ABCC10: variants seen among roughly 807,000 people sequenced by gnomAD.
ABCC10 encodes ATP-binding cassette sub-family C member 10.
In ABCC10, 110 loss-of-function variants were observed where a neutral mutation model predicts 143.2. The observed-to-expected ratio is 0.77, with a 90% CI of 0.66 to 0.90. The LOEUF is 0.90. ABCC10 is among the 40% of genes least tolerant of loss of function. The pLI is 0.00. For synonymous variants in ABCC10, 805 were observed against 846.7 expected, an observed-to-expected ratio of 0.95 and a Z score of 0.85; for missense variants, 1,700 against 1,900.5, an observed-to-expected ratio of 0.89 and a Z score of 1.96.
chr6:43,433,066 C>G lies in ABCC10; in HGVS notation c.1086C>G (p.Ile362Met). 1.2e-6 allele frequency: 2 copies of G among 1,614,152 alleles called. No individual in the cohort carries two copies. Among genetic ancestry groups the G allele is most frequent in the South Asian group, 1.1e-5 (1 of 91,082 alleles). Residue 362 changes from isoleucine (I) to methionine (M), a missense_variant, in exon 3 of 22, where the codon ATC becomes ATG. By Grantham distance (10) the Ile-to-Met change is conservative (BLOSUM62 1). Transcript: ENST00000372530. ...AGGCACGGGGGGCTGTGCTGAACAT[C>G]CTGTACTGCAAGGCTTTACAGCTGG... is the stretch of plus-strand genomic sequence containing the variant. Reference protein sequence around the residue: ...TLQARGAVLNILYCKALQLGP... With the variant: ...TLQARGAVLNMLYCKALQLGP...
intron 8 of ABCC10, among the ~76,000 whole-genome samples, chr6:43,440,353 G>A (rs756324958): frequency 8.5e-5 from 13 of 152,140 alleles, no homozygotes; most frequent in Non-Finnish European, 1.5e-4. Flanking sequence ...CCTTCCTCAC[G>A]CAGAGGAAGC....
Position 43,427,951 on chromosome 6 carries a change from C to G in ABCC10, c.-11-17C>G. ...GCTGTTACCCTGCACAGCCGTCACC[C>G]TCAACTTTCCCTTCAGGTGAGGCGT... is the stretch of plus-strand genomic sequence containing the variant. On this transcript the variant is annotated splice_polypyrimidine_tract_variant and intron_variant, in intron 1 of 21. Transcript: ENST00000372530. 1 of 1,611,864 alleles carries G rather than the reference C, an allele frequency of 6.2e-7. No individual in the cohort carries two copies. The highest frequency in any genetic ancestry group is 1.1e-5 in the South Asian group (1 of 90,874).
chr6:43,448,980 G>A lies in ABCC10; in HGVS notation c.4059G>A (p.Trp1353Ter). 6.2e-7 allele frequency: 1 copy of A among 1,614,210 alleles called. No individual in the cohort carries two copies. The highest frequency in any genetic ancestry group is 8.5e-7 in the Non-Finnish European group (1 of 1,180,020). Residue 1353 changes from tryptophan (W) to a stop codon, truncating the protein, a stop_gained, in exon 19 of 22, where the codon TGG (tryptophan) becomes TGA (stop). Coordinates refer to ENST00000372530, the MANE Select transcript of ABCC10 (RefSeq NM_001198934.2). LOFTEE classifies it high-confidence loss of function. The stretch of plus-strand genomic sequence containing the variant: ...GCCTACATAAGGACAGGGCCTTGTG[G>A]CAGGCCCTGAAGCAGTGCCACCTGA... ...PQGLHKDRALWQALKQCHLSE... is the reference protein window; with the variant it reads ...PQGLHKDRAL
chr6:43,433,297 G>C lies in ABCC10; in HGVS notation c.1317G>C (p.Val439=), dbSNP rs752790507. 2 of 1,614,196 alleles carry C rather than the reference G, an allele frequency of 1.2e-6. No individual in the cohort carries two copies. Among genetic ancestry groups the C allele is most frequent in the East Asian group, 4.5e-5 (2 of 44,890 alleles). The change falls in exon 3 of 22, where the codon GTG becomes GTC. Residue 439 remains valine, a synonymous_variant. Transcript: ENST00000372530. ...TGCTGCTGGTACCCGTCAACAAAGT[G>C]ATTGCCACCCGCATCATGGCCAGCA... ...LALLLVPVNK[V]IATRIMASNQ...
chr6:43,449,217 A>G lies in ABCC10; in HGVS notation c.4203+13A>G, dbSNP rs1562207368. 1 of 1,613,520 alleles carries G rather than the reference A, an allele frequency of 6.2e-7. No individual in the cohort carries two copies. ...CACAGATGCCAAGGTAAGGTGAGAG[A>G]AAGAGACATTAGAGAGGGCCAGGAA... On this transcript the variant is annotated intron_variant, in intron 20 of 21. Transcript: ENST00000372530.
chr6:43,446,950 C>T, intron 16 of ABCC10: 2 of 908,080 alleles, frequency 2.2e-6, no homozygotes. Flanking sequence ...TGGGTTCAAG[C>T]AATTCTCCTG....
chr6:43,450,527 C>T, downstream of ABCC10: 4 of 1,532,612 alleles, frequency 2.6e-6, no homozygotes, highest in South Asian at 2.6e-5. The surrounding 1 kb of genome is among the most constrained non-coding windows in gnomAD (Gnocchi z 4.5). Context: ...GGCCAGAAAG[C>T]CCCCACCTCC....
In ABCC10 at chr6:43,446,323, C is replaced by A; in HGVS notation, c.3421C>A (p.Gln1141Lys). 2 of 1,613,994 alleles carry A rather than the reference C, an allele frequency of 1.2e-6. No homozygotes were observed. The highest frequency in any genetic ancestry group is 1.1e-5 in the South Asian group (1 of 91,080). ...LRLLELNQRC[Q>K]FATSATMQWL... The stretch of plus-strand genomic sequence containing the variant: ...ACTCCTTGAGCTAAACCAGAGGTGC[C>A]AGTTTGCCACCAGTGCCACAATGCA... Residue 1141 changes from glutamine (Q) to lysine (K), a missense_variant, in exon 16 of 22, where the codon CAG (glutamine) becomes AAG (lysine). Transcript: ENST00000372530.
intron 3 of ABCC10, 91 bp from the exon 4 acceptor site, chr6:43,434,530 A>G (rs1399505527): frequency 2.4e-6 from 3 of 1,229,876 alleles, no homozygotes; most frequent in Non-Finnish European, 3.5e-6. Flanking sequence ...AGAGTACTGA[A>G]CATTCTGCCA....
rs1477428193 is a variant in ABCC10, at chr6:43,439,745, A to G, written c.2127+950A>G. 4.6e-5 allele frequency among the ~76,000 whole-genome samples: 7 copies of G among 151,396 alleles called. 1 individual carries two copies. Among genetic ancestry groups the G allele is most frequent in the Non-Finnish European group, 5.9e-5 (4 of 67,874 alleles). ...ACTACAGCTGCGTGCCACCATGCCC[A>G]GCTAATTTTTGTATTTCTAGTAGAA... On this transcript the variant is annotated intron_variant, in intron 8 of 21. Coordinates refer to ENST00000372530, the MANE Select transcript of ABCC10 (RefSeq NM_001198934.2).
chr6:43,429,413 G>GGT (rs1780889611), intron 2 of ABCC10, among the ~76,000 whole-genome samples: 2 of 2,906 alleles, frequency 6.9e-4, no homozygotes, highest in Non-Finnish European at 1.7e-3. Context: ...TGTGTGTGGC[G>GGT]GGGGGGAGGG....
intron 15 of ABCC10, 38 bp from the exon 16 acceptor site, chr6:43,446,239 A>G: frequency 6.3e-7 from 1 of 1,595,278 alleles, no homozygotes; most frequent in Non-Finnish European, 8.6e-7. Context: ...GCTCAGGGCA[A>G]CAGTGGAGTG....
At chr6:43,436,660 C>T (rs1781761952) in intron 6 of ABCC10, among the ~76,000 whole-genome samples, 2 of 152,206 alleles carry the variant, frequency 1.3e-5, no homozygotes, top group Admixed American at 1.3e-4. Context: ...GAAAAGCAAT[C>T]ACACCCTGTG....
chr6:43,429,286 C>T (rs1780837892), intron 2 of ABCC10, among the ~76,000 whole-genome samples: 2 of 151,844 alleles, frequency 1.3e-5, no homozygotes, highest in Non-Finnish European at 2.9e-5. Flanking sequence ...TCCAAGGGCC[C>T]AGTGTTCTTT....
intron 2 of ABCC10, 22 bp downstream of exon 2, chr6:43,428,161 G>T (rs1051676750): frequency 1.3e-6 from 2 of 1,510,978 alleles, no homozygotes; most frequent in South Asian, 1.2e-5. Flanking sequence ...CGGGCGCAAG[G>T]CATCTGTCCA....
chr6:43,429,107 TGA>T (rs1780816810), intron 2 of ABCC10, among the ~76,000 whole-genome samples: 1 of 152,168 alleles, frequency 6.6e-6, no homozygotes, highest in Non-Finnish European at 1.5e-5. Flanking sequence ...TGTGTGTTGC[TGA>T]GAAGGGTTAG....
At chr6:43,437,808 A>T in intron 6 of ABCC10, 126 bp from the exon 7 acceptor site, 1 of 883,946 alleles carries the variant, frequency 1.1e-6, no homozygotes, top group Non-Finnish European at 1.8e-6. Flanking sequence ...TTCCCTACAC[A>T]CTAAAGAAAG....
At chr6:43,429,413 G>GTGGT (rs1780888624) in intron 2 of ABCC10, among the ~76,000 whole-genome samples, 1 of 2,906 alleles carries the variant, frequency 3.4e-4, no homozygotes, top group African/African-American at 1.3e-3. Context: ...TGTGTGTGGC[G>GTGGT]GGGGGGAGGG....
rs1349948549 is a variant in ABCC10, at chr6:43,432,396, T to C, written c.416T>C (p.Val139Ala). 6.2e-7 allele frequency: 1 copy of C among 1,612,412 alleles called. No individual in the cohort carries two copies. The change falls in exon 3 of 22, where the codon GTA becomes GCA. Residue 139 changes from valine to alanine, a missense_variant. Physicochemically the swap from Val to Ala is moderately conservative, Grantham distance 64. Transcript: ENST00000372530. ...CGGGGTCCCTTGGCCTTGGCCCTGGTAGCCTTGCTGCCAGCTCCAGCCCTA... is the reference window on the plus strand; with the variant it reads ...CGGGGTCCCTTGGCCTTGGCCCTGGCAGCCTTGCTGCCAGCTCCAGCCCTA... ...HSRGPLALAL[V>A]ALLPAPALVL...
Sources: allele counts gnomAD v4.1 joint callset (sites outside exome capture counted in the v4.1 genomes callset), GRCh38; gene constraint gnomAD v4.1.1; non-coding constraint Gnocchi (gnomAD v3.1); transcripts MANE v1.5; gene names NCBI Gene and HGNC (gene_info 2026-07-23, HGNC 2026-07-21).